Variants in EMC8 observed in about 807,000 individuals in gnomAD.
EMC8 encodes COX4 neighbor.
Under a neutral mutation model 24.3 loss-of-function variants are expected in EMC8, and 11 were observed. The ratio of observed to expected loss-of-function variants is 0.45; its 90% CI spans 0.28 to 0.75. EMC8 has a LOEUF of 0.75. Ranked by LOEUF, EMC8 falls within the 30% of genes least tolerant of loss-of-function variation. The pLI, the probability that EMC8 is intolerant of heterozygous loss-of-function variation, is 0.12. For missense variants in EMC8, 277 were observed against 282.7 expected (o/e 0.98, Z 0.14); for synonymous variants, 145 against 117.7 (o/e 1.23, Z -1.50).
At chr16:85,786,822 A>T (rs926287801) in intron 2 of EMC8, among the ~76,000 whole-genome samples, 3 of 152,196 alleles carry the variant, frequency 2.0e-5, no homozygotes, top group Non-Finnish European at 4.4e-5. Flanking sequence ...GTCAGCACAG[A>T]GGTAAGAACA....
Position 85,790,709 on chromosome 16 carries a change from C to T in EMC8, c.232-1659G>A, listed in dbSNP as rs1389164495. Among the ~76,000 whole-genome samples, 3 of 152,124 alleles carry T rather than the reference C, an allele frequency of 2.0e-5. No individual in the cohort carries two copies. In the East Asian group the frequency reaches 5.8e-4, roughly 29 times the overall value. On this transcript the variant is annotated intron_variant, in intron 1 of 4. Transcript: ENST00000253457. ...TCCCCTAAGGTGACCCACATCTCTG[C>T]CCCCCGGGTGTCCCTATCCCTGCTC...
At chr16:85,786,066 C>G (rs1045048720) in intron 2 of EMC8, among the ~76,000 whole-genome samples, 1 of 152,160 alleles carries the variant, frequency 6.6e-6, no homozygotes, top group Non-Finnish European at 1.5e-5. Context: ...GTCATCACAG[C>G]ACTAGTAACA....
intron 1 of EMC8, among the ~76,000 whole-genome samples, chr16:85,795,563 G>T (rs1905215033): frequency 6.6e-6 from 1 of 152,142 alleles, no homozygotes; most frequent in African/African-American, 2.4e-5. Flanking sequence ...CCAGGAGAGG[G>T]TCCCCCCTAG....
At chr16:85,787,930 C>T (rs2152074415) in intron 2 of EMC8, among the ~76,000 whole-genome samples, 1 of 152,328 alleles carries the variant, frequency 6.6e-6, no homozygotes, top group South Asian at 2.1e-4. Context: ...CACCAGCTTA[C>T]TGTATTATTT....
At chr16:85,796,383 C>A (rs532517505) in intron 1 of EMC8, among the ~76,000 whole-genome samples, 1 of 152,148 alleles carries the variant, frequency 6.6e-6, no homozygotes, top group Non-Finnish European at 1.5e-5. Flanking sequence ...TCTTCTGTCC[C>A]CTTCTCCGTA....
intron 1 of EMC8, 141 bp downstream of exon 1, chr16:85,798,924 T>G (rs1905424857): frequency 1.2e-5 from 7 of 599,582 alleles, no homozygotes; most frequent in Middle Eastern, 4.4e-4. Flanking sequence ...CCATCGTGGA[T>G]CACCCCATTC....
chr16:85,798,253 C>T (rs1430414941), intron 1 of EMC8, among the ~76,000 whole-genome samples: 1 of 150,612 alleles, frequency 6.6e-6, no homozygotes, highest in East Asian at 2.0e-4. Flanking sequence ...TCCCGAGTGG[C>T]TGGGATGACA....
rs563504115 is a variant in EMC8 at position 85,779,993 on chromosome 16, CAT to C, written c.474-128_474-127del. 1.7e-4 allele frequency: 125 copies of C among 751,342 alleles called. No homozygotes were observed. In the South Asian group the frequency reaches 1.7e-3, roughly 10 times the overall value. The allele number at this position is 751,342 out of a possible 1,614,324, so 46.5% of individuals were successfully genotyped here. On this transcript the variant is annotated intron_variant, in intron 4 of 4. Transcript: ENST00000253457. ...AGAGATGGTGCAGAGTACTGAGAAA[CAT>C]GTGCATTTCAAACGCATGAAGAGGT... is the stretch of plus-strand genomic sequence containing the variant.
chr16:85,785,617 C>A (rs1021692055), intron 2 of EMC8, among the ~76,000 whole-genome samples: 1 of 152,278 alleles, frequency 6.6e-6, no homozygotes, highest in South Asian at 2.1e-4. Flanking sequence ...AATGAACTGT[C>A]AAAGTATTTG....
chr16:85,785,368 G>A (rs931001970), intron 2 of EMC8, among the ~76,000 whole-genome samples: 1 of 152,128 alleles, frequency 6.6e-6, no homozygotes, highest in African/African-American at 2.4e-5. Context: ...TCAGCAGTTC[G>A]AGACCAGCCT....
intron 1 of EMC8, chr16:85,798,864 A>G: frequency 1.9e-6 from 1 of 526,916 alleles, no homozygotes; most frequent in Non-Finnish European, 3.4e-6. Flanking sequence ...ACGACGGTTA[A>G]AGTCGCTGCT....
rs1904384911 is a variant in EMC8 at position 85,779,408 on chromosome 16, TA to T, written c.*299del. On this transcript the variant is annotated 3_prime_UTR_variant, in exon 5 of 5. Coordinates refer to ENST00000253457, the MANE Select transcript of EMC8 (RefSeq NM_006067.5). ...TCTCTCCAGATTATAAAAGGTTAGT[TA>T]AAACTGTTTAATAGGAACAATCTTG... 4.4e-6 allele frequency: 1 copy of T among 228,276 alleles called. No individual in the cohort carries two copies. Among genetic ancestry groups the T allele is most frequent in the African/African-American group, 2.2e-5 (1 of 44,738 alleles). The allele number at this position is 228,276 out of a possible 1,614,324, so 14.1% of individuals were successfully genotyped here.
At position 85,778,842 on chromosome 16, in the gene EMC8, A is replaced by T. The variant is rs182516568; in HGVS notation, c.*866T>A. ...AAAAAGGAAAAAAGGTAAACGTACC[A>T]TAAAGTTTCCCTCTCAATTCCCTAA... On this transcript the variant is annotated 3_prime_UTR_variant, in exon 5 of 5. Transcript: ENST00000253457. The T allele has an allele frequency of 1.3e-5, 2 of 152,382 alleles. No homozygotes were observed. Among genetic ancestry groups the T allele is most frequent in the Admixed American group, 1.3e-4 (2 of 15,304 alleles). The allele number at this position is 152,382 out of a possible 1,614,324, so 9.4% of individuals were successfully genotyped here.
chr16:85,780,986 C>T (rs1904466808), intron 3 of EMC8: 1 of 562,932 alleles, frequency 1.8e-6, no homozygotes, highest in East Asian at 3.0e-5. Flanking sequence ...GGTGCTGCGG[C>T]TGGCAGGGGA....
rs908080678 is a variant in EMC8 at position 85,788,693 on chromosome 16, G to A, written c.308+281C>T. Among the ~76,000 whole-genome samples, 185 of 152,268 alleles carry A rather than the reference G, an allele frequency of 1.2e-3. 1 individual carries two copies. Among genetic ancestry groups the A allele is most frequent in the African/African-American group, 4.0e-3 (168 of 41,534 alleles). On this transcript the variant is annotated intron_variant, in intron 2 of 4. Transcript: ENST00000253457. ...AGGGGAAGCAAGGCAGAGCTGAGCA[G>A]GGACAGAAGTCGGAAGCCAACTGTC...
intron 1 of EMC8, among the ~76,000 whole-genome samples, chr16:85,798,114 G>GTTTTTTTTTTTTTTT (rs1163747067): frequency 1.4e-5 from 1 of 72,152 alleles, no homozygotes; most frequent in African/African-American, 6.0e-5. Flanking sequence ...ACAGAAATTC[G>GTTTTTTTTTTTTTTT]TTTTTTTTTT....
intron 1 of EMC8, 134 bp from the exon 2 acceptor site, chr16:85,789,184 G>C (rs1904892225): frequency 1.5e-6 from 1 of 684,956 alleles, no homozygotes; most frequent in Non-Finnish European, 2.6e-6. Context: ...CTACACCCCA[G>C]AAGAAAGGGT....
chr16:85,784,336 T>C (rs1904651326), intron 2 of EMC8: 2 of 152,350 alleles, frequency 1.3e-5, no homozygotes, highest in Admixed American at 6.5e-5. Context: ...ACATGCATTA[T>C]TGTGAGTTAT....
chr16:85,794,937 T>A (rs1905187371), intron 1 of EMC8, among the ~76,000 whole-genome samples: 1 of 152,196 alleles, frequency 6.6e-6, no homozygotes, highest in South Asian at 2.1e-4. Flanking sequence ...AGGCAGTCAC[T>A]GTCCCCTCTG....
Sources: gnomAD v4.1 joint callset for allele counts (sites outside exome capture counted in the v4.1 genomes callset) on GRCh38, gnomAD v4.1.1 for gene constraint, MANE v1.5 for transcripts, NCBI Gene and HGNC (gene_info 2026-07-23, HGNC 2026-07-21) for gene names.